Variants in CLIC5 observed in about 807,000 individuals in gnomAD.
The protein encoded by CLIC5 is chloride intracellular channel protein 5.
A neutral mutation model predicts 24.7 loss-of-function variants in CLIC5; 20 were observed. The ratio of observed to expected loss-of-function variants is 0.81; its 90% CI spans 0.57 to 1.18. The LOEUF (loss-of-function observed/expected upper bound fraction) is 1.18. Among genes scored for constraint, CLIC5 ranks in the 50% most tolerant of loss-of-function variants. The pLI, the probability that CLIC5 is intolerant of heterozygous loss-of-function variation, is 0.00. For synonymous variants in CLIC5, 159 were observed against 135.6 expected, an observed-to-expected ratio of 1.17 and a Z score of -1.20; for missense variants, 341 against 326.1, an observed-to-expected ratio of 1.05 and a Z score of -0.35.
chr6:46,085,747 C>T, the CLIC5 span, among the ~76,000 whole-genome samples: 6 of 152,232 alleles, frequency 3.9e-5, no homozygotes, highest in Non-Finnish European at 7.3e-5. Flanking sequence ...TCTCAGATCT[C>T]CAGCTGCGTG....
intron 1 of CLIC5, among the ~76,000 whole-genome samples, chr6:45,992,233 A>T (rs1765966960): frequency 6.6e-6 from 1 of 152,108 alleles, no homozygotes; most frequent in Non-Finnish European, 1.5e-5. Context: ...ATCCTGTGGG[A>T]TACACTGTGA....
chr6:46,075,719 T>G (rs1358257138), intron 1 of CLIC5, among the ~76,000 whole-genome samples: 2 of 152,246 alleles, frequency 1.3e-5, no homozygotes, highest in Admixed American at 6.5e-5. Context: ...GAATACTTTC[T>G]TCCTTTGCAT....
At chr6:45,980,875 C>A (rs936648447) in intron 1 of CLIC5, among the ~76,000 whole-genome samples, 1 of 152,248 alleles carries the variant, frequency 6.6e-6, no homozygotes, top group East Asian at 1.9e-4. Context: ...CTCATTGTGT[C>A]TTTTTTCCCT....
At chr6:45,996,258 A>G (rs994532995) in intron 1 of CLIC5, among the ~76,000 whole-genome samples, 19 of 152,284 alleles carry the variant, frequency 1.2e-4, no homozygotes, top group Middle Eastern at 3.4e-3. Flanking sequence ...CCTTTGTCAG[A>G]TGAGTAGGTT....
intron 1 of CLIC5, among the ~76,000 whole-genome samples, chr6:46,040,557 T>C (rs1237904637): frequency 1.3e-5 from 2 of 151,728 alleles, no homozygotes; most frequent in Non-Finnish European, 2.9e-5. Flanking sequence ...TTGATAAAGG[T>C]GATAATGATG....
intron 1 of CLIC5, among the ~76,000 whole-genome samples, chr6:46,051,219 G>A (rs1768093548): frequency 6.6e-6 from 1 of 152,130 alleles, no homozygotes; most frequent in Non-Finnish European, 1.5e-5. Flanking sequence ...TGTATGCCCT[G>A]GCCCTTGGGG....
At chr6:45,918,798 G>A (rs1763134497) in intron 4 of CLIC5, 1 of 262,890 alleles carries the variant, frequency 3.8e-6, no homozygotes, top group Non-Finnish European at 5.9e-6. Context: ...CACCAGCAAG[G>A]AAATACACTC....
At chr6:46,016,997 T>A (rs955479675), upstream of CLIC5, among the ~76,000 whole-genome samples, 1 of 152,228 alleles carries the variant, frequency 6.6e-6, no homozygotes, top group Non-Finnish European at 1.5e-5. Flanking sequence ...ACGAACATTC[T>A]CTCTATCAAA....
At position 45,902,024 on chromosome 6, in the gene CLIC5, G is replaced by A. The variant is rs1762523547; in HGVS notation, c.*1064C>T. ...ATTCCAGAAGCAGCTTGGAGAAACT[G>A]GGAAGACATTTTTGACCCATTCTTG... On this transcript the variant is annotated 3_prime_UTR_variant, in exon 6 of 6. Transcript: ENST00000339561. The A allele has an allele frequency of 6.6e-6, 1 of 152,600 alleles. No individual in the cohort carries two copies. The highest frequency in any genetic ancestry group is 2.4e-5 in the African/African-American group (1 of 41,420). The allele number at this position is 152,600 out of a possible 1,614,324, so 9.5% of individuals were successfully genotyped here.
chr6:45,935,655 T>C (rs80069119), intron 4 of CLIC5, among the ~76,000 whole-genome samples: 3,186 of 152,280 alleles, frequency 0.021, 120 homozygotes, highest in African/African-American at 0.073. Context: ...TCAAAGATGC[T>C]CTTTCGCAGG....
At chr6:46,116,467 A>G in the CLIC5 span, among the ~76,000 whole-genome samples, 2 of 152,100 alleles carry the variant, frequency 1.3e-5, no homozygotes, top group Non-Finnish European at 2.9e-5. Flanking sequence ...TTGAGCTTTC[A>G]TTTCCTCATC....
chr6:45,920,042 C>T (rs985324005), intron 4 of CLIC5: 50 of 383,618 alleles, frequency 1.3e-4, no homozygotes, highest in African/African-American at 1.0e-3. Flanking sequence ...TGGGTATTCA[C>T]GTGGCCTGAC....
intron 1 of CLIC5, among the ~76,000 whole-genome samples, chr6:46,032,908 A>G (rs534388725): frequency 6.6e-6 from 1 of 150,790 alleles, no homozygotes; most frequent in Admixed American, 6.6e-5. Flanking sequence ...TCACTTAGGG[A>G]GCTTCTTAAA....
At chr6:45,971,960 G>A (rs1765215623) in intron 1 of CLIC5, among the ~76,000 whole-genome samples, 1 of 152,130 alleles carries the variant, frequency 6.6e-6, no homozygotes, top group Non-Finnish European at 1.5e-5. Context: ...TTGTAAAACA[G>A]ATCCTGTTTT....
chr6:45,970,596 G>A (rs1765168728), intron 1 of CLIC5, among the ~76,000 whole-genome samples: 1 of 152,144 alleles, frequency 6.6e-6, no homozygotes, highest in South Asian at 2.1e-4. Flanking sequence ...CCCTCACCCA[G>A]GAAGCCACAA....
At chr6:46,058,503 A>G (rs1420800187) in intron 1 of CLIC5, among the ~76,000 whole-genome samples, 1 of 152,252 alleles carries the variant, frequency 6.6e-6, no homozygotes, top group Non-Finnish European at 1.5e-5. Flanking sequence ...CTACTCCTCC[A>G]TGATTCATTT....
the CLIC5 span, among the ~76,000 whole-genome samples, chr6:46,093,756 T>C: frequency 1.3e-5 from 2 of 152,226 alleles, no homozygotes; most frequent in Admixed American, 6.5e-5. Context: ...ACTTACCCCA[T>C]GATCTAGCAG....
At chr6:45,970,608 C>G (rs1161770288) in intron 1 of CLIC5, among the ~76,000 whole-genome samples, 1 of 152,198 alleles carries the variant, frequency 6.6e-6, no homozygotes, top group Non-Finnish European at 1.5e-5. Context: ...AAGCCACAAC[C>G]TGAGATGAAG....
intron 5 of CLIC5, among the ~76,000 whole-genome samples, chr6:45,906,023 G>T (rs909963422): frequency 1.3e-5 from 2 of 152,102 alleles, no homozygotes; most frequent in African/African-American, 4.8e-5. Context: ...ATGACCGTAG[G>T]TGTGTGGCTT....
Sources: allele counts gnomAD v4.1 joint callset (sites outside exome capture counted in the v4.1 genomes callset), GRCh38; gene constraint gnomAD v4.1.1; transcripts MANE v1.5; gene names NCBI Gene and HGNC (gene_info 2026-07-23, HGNC 2026-07-21).